The following ITGA4 variants were observed in gnomAD, a reference collection of about 807,000 sequenced individuals.
ITGA4 encodes integrin subunit alpha 4.
Under a neutral mutation model 133.6 loss-of-function variants are expected in ITGA4, and 63 were observed. That is an observed-to-expected ratio of 0.47 (90% CI 0.38 to 0.58). The LOEUF (loss-of-function observed/expected upper bound fraction) is 0.58, where lower values mean the gene tolerates loss of function less well. Ranked by LOEUF, ITGA4 falls within the 20% of genes least tolerant of loss-of-function variation. The pLI is 0.00. For missense variants in ITGA4, 1,076 were observed against 1,252.7 expected (o/e 0.86, Z 2.13); for synonymous variants, 483 against 438.0 (o/e 1.10, Z -1.28).
chr2:181,459,879 G>A (rs996861153), intron 2 of ITGA4, among the ~76,000 whole-genome samples: 3 of 152,142 alleles, frequency 2.0e-5, no homozygotes, highest in South Asian at 4.1e-4. Context: ...TGTCTGGATG[G>A]ACACTGAATC....
chr2:181,457,794 C>G lies in ITGA4; in HGVS notation c.140C>G (p.Pro47Arg). Residue 47 changes from proline to arginine, a missense_variant, in exon 1 of 28, where the codon CCC becomes CGC. Physicochemically the swap from Pro to Arg is moderately radical, Grantham distance 103 (BLOSUM62 -2). This residue lies in a region of ITGA4 where 82 missense variants were observed against 68.3 expected (regional missense o/e 1.20). Coordinates refer to ENST00000397033, the MANE Select transcript of ITGA4 (RefSeq NM_000885.6). ...DTESALLYQGPHNTLFGYSVV... is the reference protein window; with the variant it reads ...DTESALLYQGRHNTLFGYSVV... ...GAGAGCGCGCTGCTTTACCAGGGCCCCCACAACACGCTGTTCGGCTACTCG... is the reference window on the plus strand; with the variant it reads ...GAGAGCGCGCTGCTTTACCAGGGCCGCCACAACACGCTGTTCGGCTACTCG... 1 of 1,613,778 alleles carries G rather than the reference C, an allele frequency of 6.2e-7. No individual in the cohort carries two copies. Among genetic ancestry groups the G allele is most frequent in the Non-Finnish European group, 8.5e-7 (1 of 1,179,992 alleles).
At chr2:181,527,245 TA>T (rs1373287059) in intron 21 of ITGA4, 51 bp from the exon 22 acceptor site, 7 of 1,061,360 alleles carry the variant, frequency 6.6e-6, no homozygotes, top group African/African-American at 1.6e-5. Flanking sequence ...AGACTCTTTA[TA>T]ATACGTCATC....
Position 181,475,186 on chromosome 2 carries a change from T to C in ITGA4, c.454T>C (p.Phe152Leu). The change falls in exon 4 of 28, where the codon TTT becomes CTT. Residue 152 changes from phenylalanine (F) to leucine (L), a missense_variant. Phe to Leu is a conservative substitution (Grantham distance 22). This residue lies in a region of ITGA4 where 436 missense variants were observed against 590.7 expected (regional missense o/e 0.74). Transcript: ENST00000397033. Reference protein sequence around the residue: ...VTCGHRWKNIFYIKNENKLPT... With the variant: ...VTCGHRWKNILYIKNENKLPT... ...TTGTGGGCATAGATGGAAAAATATATTTTACATAAAGAATGAAAATAAGCT... is the reference window on the plus strand; with the variant it reads ...TTGTGGGCATAGATGGAAAAATATACTTTACATAAAGAATGAAAATAAGCT... 1.2e-6 allele frequency: 2 copies of C among 1,613,328 alleles called. No individual in the cohort carries two copies. Among genetic ancestry groups the C allele is most frequent in the Non-Finnish European group, 1.7e-6 (2 of 1,179,328 alleles).
At position 181,527,070 on chromosome 2, in the gene ITGA4, A is replaced by G. The variant is rs571321085; in HGVS notation, c.2340-227A>G. On this transcript the variant is annotated intron_variant, in intron 21 of 27. Transcript: ENST00000397033. ...AGGCTGCCCTCAAACTCCTGACCTC[A>G]GGTGATGCGCCCTCCTCGGCCTCCC... Among the ~76,000 whole-genome samples the G allele has an allele frequency of 3.3e-4, 50 of 151,728 alleles. 2 individuals are homozygous for G. The highest frequency in any genetic ancestry group is 3.2e-3 in the Admixed American group (48 of 15,230).
rs571646957 is a variant in ITGA4, at chr2:181,468,173, G to T, written c.320-6787G>T. Among the ~76,000 whole-genome samples the T allele has an allele frequency of 2.0e-5, 3 of 152,282 alleles. No individual in the cohort carries two copies. The South Asian group carries it at 6.2e-4, about 32-fold the overall frequency. Reference sequence around the variant, plus strand: ...TAGGCATCTTCTGAGGACCCCAGCTGATTCTGTCTTAAGTCATCCCACTCA... The same window carrying T: ...TAGGCATCTTCTGAGGACCCCAGCTTATTCTGTCTTAAGTCATCCCACTCA... On this transcript the variant is annotated intron_variant, in intron 2 of 27. Transcript: ENST00000397033.
intron 10 of ITGA4, among the ~76,000 whole-genome samples, chr2:181,492,204 A>C (rs1175662718): frequency 1.3e-5 from 2 of 152,254 alleles, no homozygotes; most frequent in Non-Finnish European, 2.9e-5. Context: ...TGTATATGAA[A>C]GTTTGAAAAA....
intron 9 of ITGA4, among the ~76,000 whole-genome samples, chr2:181,485,495 T>C (rs977858217): frequency 2.6e-4 from 39 of 152,316 alleles, no homozygotes; most frequent in Middle Eastern, 3.4e-3. Flanking sequence ...ACTGTGGGCT[T>C]ATTGAAGAAA....
chr2:181,534,215 T>A, intron 25 of ITGA4, 57 bp from the exon 26 acceptor site: 1 of 1,061,498 alleles, frequency 9.4e-7, no homozygotes, highest in Non-Finnish European at 1.4e-6. Flanking sequence ...AAGATCCTGA[T>A]AAATTATGTC....
chr2:181,538,398 T>C lies in ITGA4; in HGVS notation c.*2871T>C, dbSNP rs1687308718. On this transcript the variant is annotated 3_prime_UTR_variant, in exon 28 of 28. Coordinates refer to ENST00000397033, the MANE Select transcript of ITGA4 (RefSeq NM_000885.6). ...ATCTAGAAAACTGAGAAGGTCTGAT[T>C]GATAAATCATCAACAACAATAATTG... Among the ~76,000 whole-genome samples the C allele has an allele frequency of 6.6e-6, 1 of 152,184 alleles. No individual in the cohort carries two copies. The highest frequency in any genetic ancestry group is 2.4e-5 in the African/African-American group (1 of 41,450).
intron 16 of ITGA4, among the ~76,000 whole-genome samples, chr2:181,510,755 C>G (rs1298927340): frequency 6.6e-6 from 1 of 152,014 alleles, no homozygotes; most frequent in Non-Finnish European, 1.5e-5. Flanking sequence ...TGTTTTTACT[C>G]TTCTTTTGAA....
intron 10 of ITGA4, 179 bp from the exon 11 acceptor site, chr2:181,493,146 G>T: frequency 2.0e-6 from 1 of 502,844 alleles, no homozygotes; most frequent in Non-Finnish European, 3.5e-6. Context: ...GCAAACTATT[G>T]TGTGCAATCC....
Position 181,481,092 on chromosome 2 carries a change from T to G in ITGA4, c.755-506T>G, listed in dbSNP as rs1167047042. On this transcript the variant is annotated intron_variant, in intron 6 of 27. Transcript: ENST00000397033. ...AGTAGAAGAATTTGTTACAATTCAA[T>G]GTTTTCTTGTTTATGATGAAAGGAT... Among the ~76,000 whole-genome samples, 4 of 152,194 alleles carry G rather than the reference T, an allele frequency of 2.6e-5. 1 individual carries two copies. The highest frequency in any genetic ancestry group is 9.7e-5 in the African/African-American group (4 of 41,446).
chr2:181,511,546 T>A (rs900021208), intron 16 of ITGA4, among the ~76,000 whole-genome samples, 153 bp from the exon 17 acceptor site: 1 of 152,078 alleles, frequency 6.6e-6, no homozygotes, highest in African/African-American at 2.4e-5. Flanking sequence ...AATTCTCAAA[T>A]TGAACTTTTT....
chr2:181,505,044 T>A (rs1686366196), intron 15 of ITGA4, among the ~76,000 whole-genome samples: 1 of 151,986 alleles, frequency 6.6e-6, no homozygotes, highest in Admixed American at 6.6e-5. Flanking sequence ...CTAGTCATAT[T>A]CCTTGCTTAA....
At chr2:181,479,903 T>C (rs972329987) in intron 5 of ITGA4, among the ~76,000 whole-genome samples, 3 of 152,016 alleles carry the variant, frequency 2.0e-5, no homozygotes, top group Non-Finnish European at 4.4e-5. Context: ...AATCCACTGA[T>C]AAATGCATTG....
intron 17 of ITGA4, among the ~76,000 whole-genome samples, chr2:181,514,271 T>C (rs1462019469): frequency 6.6e-6 from 1 of 151,944 alleles, no homozygotes; most frequent in Non-Finnish European, 1.5e-5. Context: ...TCAAAATAGA[T>C]TAAGGACAGG....
At chr2:181,533,568 T>C (rs918767213) in intron 25 of ITGA4, among the ~76,000 whole-genome samples, 2 of 152,188 alleles carry the variant, frequency 1.3e-5, no homozygotes, top group Non-Finnish European at 2.9e-5. Flanking sequence ...ACCTCCCACG[T>C]TCTGACACTT....
chr2:181,489,890 AGG>A (rs1686006915), intron 10 of ITGA4, among the ~76,000 whole-genome samples: 1 of 152,174 alleles, frequency 6.6e-6, no homozygotes, highest in Admixed American at 6.5e-5. Context: ...GAGTTAAAGA[AGG>A]AAGGGGTTTA....
At chr2:181,529,885 T>G (rs1686908834) in intron 23 of ITGA4, among the ~76,000 whole-genome samples, 3 of 152,228 alleles carry the variant, frequency 2.0e-5, no homozygotes. Flanking sequence ...ATAACAGAAC[T>G]ATATTCTACC....
Sources: gnomAD v4.1 joint callset for allele counts (sites outside exome capture counted in the v4.1 genomes callset) on GRCh38, gnomAD v4.1.1 for gene constraint, gnomAD v4.1.1 regional missense constraint, MANE v1.5 for transcripts, NCBI Gene and HGNC (gene_info 2026-07-23, HGNC 2026-07-21) for gene names.